Variants in PLAAT4 observed in about 807,000 individuals in gnomAD.
The protein encoded by PLAAT4 is HRAS-like suppressor 4.
In PLAAT4, 12 loss-of-function variants were observed where a neutral mutation model predicts 14.1. That is an observed-to-expected ratio of 0.85 (90% CI 0.54 to 1.37). PLAAT4 has a LOEUF of 1.37. PLAAT4 is among the 40% of genes most tolerant of loss of function. PLAAT4 has a pLI of 0.00. For synonymous variants in PLAAT4, 77 were observed against 79.8 expected, an observed-to-expected ratio of 0.96 and a Z score of 0.19; for missense variants, 163 against 211.7, an observed-to-expected ratio of 0.77 and a Z score of 1.43.
intron 2 of PLAAT4, among the ~76,000 whole-genome samples, chr11:63,541,192 A>T (rs1387405701): frequency 7.0e-6 from 1 of 143,710 alleles, no homozygotes; most frequent in Non-Finnish European, 1.5e-5. Flanking sequence ...GTGTGTAAAG[A>T]GGCTTTTTTT....
chr11:63,545,353 T>G, intron 3 of PLAAT4: 1 of 242,240 alleles, frequency 4.1e-6, no homozygotes, highest in Non-Finnish European at 8.1e-6. Context: ...TCTTTCACAT[T>G]TGTTGCCCCA....
At chr11:63,545,053 C>T in intron 3 of PLAAT4, 164 bp downstream of exon 3, 4 of 979,352 alleles carry the variant, frequency 4.1e-6, no homozygotes, top group Admixed American at 1.9e-5. Flanking sequence ...TTCTAATCCA[C>T]AGAGGGTCTT....
chr11:63,545,787 C>T (rs1446577018), intron 3 of PLAAT4, among the ~76,000 whole-genome samples: 1 of 152,098 alleles, frequency 6.6e-6, no homozygotes, highest in African/African-American at 2.4e-5. Flanking sequence ...CCCAGTCTGG[C>T]CCCTGGAGCT....
intron 3 of PLAAT4, 100 bp downstream of exon 3, chr11:63,544,989 T>C: frequency 6.5e-7 from 1 of 1,527,314 alleles, no homozygotes; most frequent in Non-Finnish European, 9.1e-7. Context: ...ATGCAGCCTC[T>C]TAGAGACCTG....
rs748431324 is a variant in PLAAT4 at position 63,536,910 on chromosome 11, T to C, written c.9+33T>C. ...TCCCAGGGCTTTGCATTACTGACTC[T>C]ACAGCAGTTGGGCAGCTCCCCCTAG... On this transcript the variant is annotated intron_variant, in intron 1 of 3. Transcript: ENST00000255688. 3 of 1,605,742 alleles carry C rather than the reference T, an allele frequency of 1.9e-6. No homozygotes were observed. The South Asian group carries it at 3.3e-5, about 18-fold the overall frequency.
At chr11:63,536,997 G>C in intron 1 of PLAAT4, 120 bp downstream of exon 1, 1 of 1,235,360 alleles carries the variant, frequency 8.1e-7, no homozygotes, top group East Asian at 2.5e-5. Context: ...TCTTTAGAAG[G>C]CTGTCATGGA....
chr11:63,540,397 A>G (rs1034092516), intron 2 of PLAAT4, among the ~76,000 whole-genome samples: 2 of 152,242 alleles, frequency 1.3e-5, no homozygotes, highest in Non-Finnish European at 2.9e-5. Context: ...TTTTTTTAAA[A>G]TTCTCATACA....
At chr11:63,544,980 T>A (rs1340275083) in intron 3 of PLAAT4, 91 bp downstream of exon 3, 3 of 1,572,434 alleles carry the variant, frequency 1.9e-6, no homozygotes, top group Non-Finnish European at 1.8e-6. Flanking sequence ...ATGATGCAAA[T>A]GCAGCCTCTT....
chr11:63,541,093 A>G (rs1000132274), intron 2 of PLAAT4, among the ~76,000 whole-genome samples: 1 of 152,182 alleles, frequency 6.6e-6, no homozygotes, highest in African/African-American at 2.4e-5. Flanking sequence ...ATAGTAAATC[A>G]AGCCCACTTA....
At chr11:63,546,107 T>G in intron 3 of PLAAT4, 42 bp from the exon 4 acceptor site, 1 of 1,548,638 alleles carries the variant, frequency 6.5e-7, no homozygotes, top group Non-Finnish European at 8.9e-7. Context: ...AGTGCCAGCC[T>G]GGCTTGCCGT....
In PLAAT4 at chr11:63,544,976, C is replaced by T. The variant is rs776979847; in HGVS notation, c.387+87C>T. 1.9e-6 allele frequency: 3 copies of T among 1,573,416 alleles called. No individual in the cohort carries two copies. The South Asian group carries it at 3.3e-5, about 17-fold the overall frequency. On this transcript the variant is annotated intron_variant, in intron 3 of 3. Transcript: ENST00000255688. The stretch of plus-strand genomic sequence containing the variant: ...AGCCAGGCGATCACTGTGAATGATG[C>T]AAATGCAGCCTCTTAGAGACCTGCT...
rs1433576934 is a variant in PLAAT4 at position 63,544,677 on chromosome 11, G to A, written c.175G>A (p.Glu59Lys). 6.2e-7 allele frequency: 1 copy of A among 1,614,190 alleles called. No homozygotes were observed. The highest frequency in any genetic ancestry group is 2.2e-5 in the East Asian group (1 of 44,874). The change falls in exon 3 of 4, where the codon GAG (glutamate) becomes AAG (lysine). Residue 59 changes from glutamate (E) to lysine (K), a missense_variant. Physicochemically the swap from Glu to Lys is moderately conservative, Grantham distance 56 (BLOSUM62 1). Coordinates refer to ENST00000255688, the MANE Select transcript of PLAAT4 (RefSeq NM_004585.5). ...SVFSVLSNSA[E>K]VKRERLEDVV... is the part of the protein sequence containing the mutation. Reference sequence around the variant, plus strand: ...CTTCTCAGTCCTGAGCAACAGTGCAGAGGTGAAACGGGAGCGCCTGGAAGA... The same window carrying A: ...CTTCTCAGTCCTGAGCAACAGTGCAAAGGTGAAACGGGAGCGCCTGGAAGA...
chr11:63,540,048 G>A (rs768587829), intron 2 of PLAAT4, among the ~76,000 whole-genome samples: 6 of 152,354 alleles, frequency 3.9e-5, no homozygotes, highest in Admixed American at 6.5e-5. Flanking sequence ...CTTCTTAGAG[G>A]ATGCTTGATG....
chr11:63,541,586 C>G (rs1191012075), intron 2 of PLAAT4, among the ~76,000 whole-genome samples: 1 of 144,048 alleles, frequency 6.9e-6, no homozygotes, highest in East Asian at 2.0e-4. Flanking sequence ...GGCTGGTGTA[C>G]AGTGATGTGA....
At chr11:63,540,089 GAC>G (rs1282954817) in intron 2 of PLAAT4, among the ~76,000 whole-genome samples, 8 of 152,284 alleles carry the variant, frequency 5.3e-5, no homozygotes, top group Non-Finnish European at 1.2e-4. Context: ...CCATGAAGTA[GAC>G]ACAGTGCATT....
At chr11:63,544,373 G>A (rs565449048) in intron 2 of PLAAT4, among the ~76,000 whole-genome samples, 10 of 152,104 alleles carry the variant, frequency 6.6e-5, no homozygotes, top group South Asian at 4.2e-4. Context: ...CCAGCTACTC[G>A]GGAGGGTGAG....
Position 63,544,849 on chromosome 11 carries a change from T to C in PLAAT4, c.347T>C (p.Phe116Ser), listed in dbSNP as rs1466664689. The change falls in exon 3 of 4, where the codon TTT becomes TCT. Residue 116 changes from phenylalanine (F) to serine (S), a missense_variant. Physicochemically the swap from Phe to Ser is radical, Grantham distance 155. Coordinates refer to ENST00000255688, the MANE Select transcript of PLAAT4 (RefSeq NM_004585.5). Reference sequence around the variant, plus strand: ...ATTGTGAGCAGGAACTGTGAGCACTTTGTCACCCAGCTGAGATATGGCAAG... The same window carrying C: ...ATTGTGAGCAGGAACTGTGAGCACTCTGTCACCCAGCTGAGATATGGCAAG... The part of the protein sequence containing the change: ...YSIVSRNCEH[F>S]VTQLRYGKSR... 2 of 1,614,084 alleles carry C rather than the reference T, an allele frequency of 1.2e-6. No homozygotes were observed. Among genetic ancestry groups the C allele is most frequent in the Non-Finnish European group, 1.7e-6 (2 of 1,180,048 alleles).
chr11:63,537,319 G>A (rs953144697), intron 1 of PLAAT4, among the ~76,000 whole-genome samples: 1 of 152,098 alleles, frequency 6.6e-6, no homozygotes, highest in Non-Finnish European at 1.5e-5. Context: ...GCATCATCCA[G>A]CCTTCTAAGG....
rs2017368106 is a variant in PLAAT4 at position 63,546,455 on chromosome 11, T to A, written c.*199T>A. 3.2e-5 allele frequency: 18 copies of A among 558,900 alleles called. No homozygotes were observed. In the South Asian group the frequency reaches 4.0e-4, roughly 13 times the overall value. 34.6% of individuals were successfully genotyped at this position (558,900 alleles called of 1,614,324 possible). On this transcript the variant is annotated 3_prime_UTR_variant, in exon 4 of 4. Transcript: ENST00000255688. ...GGATCAATAAACAGCCATCTGCCCC[T>A]TCAGAAAGGACTTCTACCATGTTTT...
Sources: gnomAD v4.1 joint callset for allele counts (sites outside exome capture counted in the v4.1 genomes callset) on GRCh38, gnomAD v4.1.1 for gene constraint, MANE v1.5 for transcripts, NCBI Gene and HGNC (gene_info 2026-07-23, HGNC 2026-07-21) for gene names.